The following APBB1IP variants were observed in gnomAD, a reference collection of about 807,000 sequenced individuals.
APBB1IP encodes amyloid beta A4 precursor protein-binding family B member 1-interacting protein.
A neutral mutation model predicts 64.9 loss-of-function variants in APBB1IP; 27 were observed. The observed-to-expected ratio is 0.42, with a 90% CI of 0.31 to 0.57. The LOEUF is 0.57. Ranked by LOEUF, APBB1IP falls within the 20% of genes least tolerant of loss-of-function variation. APBB1IP has a pLI of 0.20. For missense variants in APBB1IP, 812 were observed against 845.5 expected (o/e 0.96, Z 0.49); for synonymous variants, 392 against 331.0 (o/e 1.18, Z -2.00).
At chr10:26,479,992 G>A (rs552912594) in intron 2 of APBB1IP, among the ~76,000 whole-genome samples, 2 of 152,264 alleles carry the variant, frequency 1.3e-5, no homozygotes, top group South Asian at 2.1e-4. Flanking sequence ...CAAAGGCCCA[G>A]GCGACAGCTG....
In APBB1IP at chr10:26,550,028, T is replaced by G. The variant is rs538194623; in HGVS notation, c.1155+8336T>G. ...CTTTTCTGGGTACAGTATTCTTGGT[T>G]TTTTTTTTAATCTTTTTTTTAATCT... On this transcript the variant is annotated intron_variant, in intron 11 of 14. Transcript: ENST00000376236. Among the ~76,000 whole-genome samples, 10 of 151,090 alleles carry G rather than the reference T, an allele frequency of 6.6e-5. No individual in the cohort carries two copies. The East Asian group carries it at 9.7e-4, about 15-fold the overall frequency.
intron 2 of APBB1IP, among the ~76,000 whole-genome samples, chr10:26,466,804 C>T (rs760612422): frequency 2.6e-5 from 4 of 151,812 alleles, no homozygotes; most frequent in Admixed American, 6.6e-5. Flanking sequence ...GGCATGGTGG[C>T]GCATACCTGT....
At chr10:26,455,464 G>T (rs1835513278) in intron 2 of APBB1IP, among the ~76,000 whole-genome samples, 1 of 151,482 alleles carries the variant, frequency 6.6e-6, no homozygotes, top group Non-Finnish European at 1.5e-5. Flanking sequence ...GGAGGCAGAG[G>T]TAGCAGTGAG....
At chr10:26,452,430 A>G (rs1232716004) in intron 2 of APBB1IP, among the ~76,000 whole-genome samples, 1 of 152,264 alleles carries the variant, frequency 6.6e-6, no homozygotes, top group East Asian at 1.9e-4. Flanking sequence ...AGATGTGGAC[A>G]TGGAGACACC....
rs140415668 is a variant in APBB1IP at position 26,469,792 on chromosome 10, A to C, written c.1-22535A>C. ...CCTTCCCCACTCTAGTGGTCCCCAA[A>C]GTCTATTGTTCCCATCTCTATATCC... On this transcript the variant is annotated intron_variant, in intron 2 of 14. Coordinates refer to ENST00000376236, the MANE Select transcript of APBB1IP (RefSeq NM_019043.4). 9.8e-4 allele frequency among the ~76,000 whole-genome samples: 149 copies of C among 152,222 alleles called. 2 individuals are homozygous for C. Among genetic ancestry groups the C allele is most frequent in the African/African-American group, 3.2e-3 (133 of 41,542 alleles).
At chr10:26,534,660 G>A (rs1836597837) in intron 9 of APBB1IP, among the ~76,000 whole-genome samples, 1 of 152,156 alleles carries the variant, frequency 6.6e-6, no homozygotes, top group Admixed American at 6.5e-5. Flanking sequence ...GCCAAATAAA[G>A]CAGCTACCAG....
intron 13 of APBB1IP, among the ~76,000 whole-genome samples, chr10:26,561,073 T>TC (rs1184271294): frequency 1.6e-5 from 2 of 124,192 alleles, no homozygotes; most frequent in Non-Finnish European, 3.4e-5. Flanking sequence ...TCTTTTTTTT[T>TC]TTTTTTTTTT....
At chr10:26,548,151 G>A (rs1472189608) in intron 11 of APBB1IP, among the ~76,000 whole-genome samples, 1 of 152,042 alleles carries the variant, frequency 6.6e-6, no homozygotes, top group Non-Finnish European at 1.5e-5. Flanking sequence ...TTTGAGGATT[G>A]CTTTTTTCTA....
intron 8 of APBB1IP, among the ~76,000 whole-genome samples, chr10:26,514,888 T>C (rs1290954043): frequency 6.6e-6 from 1 of 152,024 alleles, no homozygotes; most frequent in African/African-American, 2.4e-5. Flanking sequence ...CTTTTTTTTT[T>C]GTTAGACAAA....
chr10:26,492,404 C>T lies in APBB1IP; in HGVS notation c.72+6C>T, dbSNP rs752587547. The T allele has an allele frequency of 6.2e-7, 1 of 1,613,520 alleles. No homozygotes were observed. The highest frequency in any genetic ancestry group is 2.2e-5 in the East Asian group (1 of 44,840). On this transcript the variant is annotated splice_donor_region_variant and intron_variant, in intron 3 of 14. Coordinates refer to ENST00000376236, the MANE Select transcript of APBB1IP (RefSeq NM_019043.4). ...AGATGGATCTTCTGACTCAGGTAAA[C>T]TTCCCTTTTTAACTGGCAAATTGGA... is the stretch of plus-strand genomic sequence containing the variant.
At chr10:26,496,442 TCA>T in intron 4 of APBB1IP, 51 bp downstream of exon 4, 1 of 1,390,836 alleles carries the variant, frequency 7.2e-7, no homozygotes, top group Non-Finnish European at 1.0e-6. Context: ...TAATGATGAT[TCA>T]AATCAGTATG....
At chr10:26,460,517 A>G (rs906121652) in intron 2 of APBB1IP, among the ~76,000 whole-genome samples, 4 of 152,326 alleles carry the variant, frequency 2.6e-5, no homozygotes, top group East Asian at 1.9e-4. Context: ...TCACAATAGC[A>G]CTATTCACAA....
chr10:26,489,404 C>T (rs754725422), intron 2 of APBB1IP, among the ~76,000 whole-genome samples: 5 of 151,976 alleles, frequency 3.3e-5, no homozygotes, highest in Non-Finnish European at 4.4e-5. Context: ...GGGAAATATA[C>T]GATGGAAAAA....
intron 11 of APBB1IP, among the ~76,000 whole-genome samples, chr10:26,551,970 A>G (rs966855888): frequency 6.6e-5 from 10 of 151,538 alleles, no homozygotes; most frequent in Admixed American, 1.3e-4. Flanking sequence ...TGGATGGAAT[A>G]CAGATCAAAG....
intron 2 of APBB1IP, among the ~76,000 whole-genome samples, chr10:26,486,120 G>A (rs1318938282): frequency 1.3e-5 from 2 of 152,018 alleles, no homozygotes; most frequent in African/African-American, 4.8e-5. Context: ...AAAATAAAAG[G>A]CCCCGAATGG....
intron 2 of APBB1IP, among the ~76,000 whole-genome samples, chr10:26,469,085 TTTC>T (rs1486311853): frequency 5.2e-5 from 7 of 135,034 alleles, no homozygotes; most frequent in African/African-American, 1.1e-4. Context: ...AGATAGTCCT[TTTC>T]TTCTTCTTTT....
chr10:26,527,642 G>T (rs1436199525), intron 8 of APBB1IP, among the ~76,000 whole-genome samples: 1 of 148,368 alleles, frequency 6.7e-6, no homozygotes, highest in East Asian at 2.0e-4. Context: ...CCTGTCCTTA[G>T]CTCCAGAGTA....
intron 2 of APBB1IP, among the ~76,000 whole-genome samples, chr10:26,450,830 G>A (rs1237701282): frequency 6.6e-6 from 1 of 151,966 alleles, no homozygotes; most frequent in Admixed American, 6.6e-5. Flanking sequence ...CAAGTAGCTG[G>A]GACTACAGGC....
chr10:26,524,739 T>C (rs915637121), intron 8 of APBB1IP, among the ~76,000 whole-genome samples: 1 of 152,092 alleles, frequency 6.6e-6, no homozygotes, highest in African/African-American at 2.4e-5. Flanking sequence ...CAGAAAGGAA[T>C]GCCTAAGTGA....
Sources: gnomAD v4.1 joint callset for allele counts (sites outside exome capture counted in the v4.1 genomes callset) on GRCh38, gnomAD v4.1.1 for gene constraint, MANE v1.5 for transcripts, NCBI Gene and HGNC (gene_info 2026-07-23, HGNC 2026-07-21) for gene names.